The following CCDC158 variants were observed in gnomAD, a reference collection of about 807,000 sequenced individuals.
CCDC158 encodes coiled-coil domain containing 158, also known as coiled-coil domain-containing protein 158.
A neutral mutation model predicts 138.6 loss-of-function variants in CCDC158; 116 were observed. The ratio of observed to expected loss-of-function variants is 0.84; its 90% CI spans 0.72 to 0.98. The LOEUF (loss-of-function observed/expected upper bound fraction) is 0.98. CCDC158 is among the 50% of genes least tolerant of loss of function. The probability of loss-of-function intolerance (pLI) is 0.00; values close to 1 mark genes in which losing one functional copy is unlikely to be tolerated. For synonymous variants in CCDC158, 436 were observed against 442.4 expected, an observed-to-expected ratio of 0.99 and a Z score of 0.18; for missense variants, 1,265 against 1,306.1, an observed-to-expected ratio of 0.97 and a Z score of 0.48.
chr4:76,390,057 A>C (rs1351997477), intron 4 of CCDC158, among the ~76,000 whole-genome samples: 1 of 152,212 alleles, frequency 6.6e-6, no homozygotes, highest in African/African-American at 2.4e-5. Context: ...GTAAGCACAC[A>C]GAACAATATA....
chr4:76,332,333 G>A, intron 20 of CCDC158, 99 bp downstream of exon 20: 6 of 933,820 alleles, frequency 6.4e-6, no homozygotes, highest in Non-Finnish European at 8.4e-6. Flanking sequence ...CCCATTAAGT[G>A]TCATGTAAAC....
At chr4:76,396,534 G>T (rs996295237) in intron 3 of CCDC158, 48 bp from the exon 4 acceptor site, 3 of 1,419,688 alleles carry the variant, frequency 2.1e-6, no homozygotes, top group East Asian at 2.3e-5. Flanking sequence ...TTTTTGAGAA[G>T]GAGTTTCACT....
At chr4:76,365,914 T>A (rs1462908404) in intron 12 of CCDC158, among the ~76,000 whole-genome samples, 1 of 152,194 alleles carries the variant, frequency 6.6e-6, no homozygotes, top group Non-Finnish European at 1.5e-5. Flanking sequence ...TTAGGCTGCC[T>A]AGGTTCAAAC....
chr4:76,326,423 T>C (rs1406771742), intron 22 of CCDC158, among the ~76,000 whole-genome samples: 4 of 152,158 alleles, frequency 2.6e-5, no homozygotes, highest in East Asian at 1.9e-4. Context: ...CAAGATGATA[T>C]GGCAGAAAAT....
chr4:76,338,436 T>C (rs1721746513), intron 18 of CCDC158, among the ~76,000 whole-genome samples: 1 of 152,190 alleles, frequency 6.6e-6, no homozygotes, highest in Admixed American at 6.5e-5. Context: ...CGCTTGAACC[T>C]GGGAGGCAGA....
intron 22 of CCDC158, 36 bp downstream of exon 22, chr4:76,328,864 G>T (rs759307033): frequency 1.3e-6 from 2 of 1,557,618 alleles, no homozygotes; most frequent in Admixed American, 3.3e-5. Flanking sequence ...GGGAGACATT[G>T]TAGGGCCTAT....
At chr4:76,329,716 A>T (rs1010542438) in intron 21 of CCDC158, among the ~76,000 whole-genome samples, 4 of 152,376 alleles carry the variant, frequency 2.6e-5, no homozygotes, top group African/African-American at 2.4e-5. Context: ...TGAGAATATT[A>T]TGGCAGCAGT....
intron 24 of CCDC158, among the ~76,000 whole-genome samples, chr4:76,314,740 G>A (rs577291512): frequency 2.3e-4 from 35 of 152,308 alleles, no homozygotes; most frequent in African/African-American, 7.7e-4. Context: ...TCCAGCTCGA[G>A]CCCAGGGAAG....
chr4:76,414,245 GTCGTA>G (rs2109919465), intron 1 of CCDC158: 1 of 152,276 alleles, frequency 6.6e-6, no homozygotes, highest in South Asian at 2.1e-4. Context: ...TATGTTTACA[GTCGTA>G]TTAAATTCAC....
intron 24 of CCDC158, among the ~76,000 whole-genome samples, chr4:76,315,017 C>T (rs995388080): frequency 6.6e-6 from 1 of 152,130 alleles, no homozygotes; most frequent in Non-Finnish European, 1.5e-5. Flanking sequence ...ATAGCACGGG[C>T]AAGGTCTGAT....
At chr4:76,329,335 C>T (rs1419770297) in intron 21 of CCDC158, among the ~76,000 whole-genome samples, 2 of 152,090 alleles carry the variant, frequency 1.3e-5, no homozygotes, top group Non-Finnish European at 2.9e-5. Flanking sequence ...CCTGTAATCC[C>T]AGCACTTTCG....
chr4:76,337,273 A>G (rs554686634), intron 18 of CCDC158, among the ~76,000 whole-genome samples: 9 of 152,244 alleles, frequency 5.9e-5, no homozygotes, highest in Admixed American at 2.0e-4. Context: ...GTGAACCACC[A>G]TGCCTGGCCG....
intron 18 of CCDC158, among the ~76,000 whole-genome samples, chr4:76,348,746 T>C (rs990419193): frequency 2.6e-5 from 4 of 152,044 alleles, no homozygotes; most frequent in African/African-American, 9.7e-5. Context: ...GAAGGGAGAA[T>C]TAATTATCTG....
At chr4:76,384,741 T>G in intron 4 of CCDC158, 76 bp from the exon 5 acceptor site, 1 of 946,314 alleles carries the variant, frequency 1.1e-6, no homozygotes, top group Non-Finnish European at 1.7e-6. Flanking sequence ...TCCAAAGATC[T>G]ATATATATTT....
At chr4:76,410,921 A>G (rs1159631375) in intron 2 of CCDC158, among the ~76,000 whole-genome samples, 1 of 152,212 alleles carries the variant, frequency 6.6e-6, no homozygotes, top group Non-Finnish European at 1.5e-5. Context: ...TAACCTCTCT[A>G]TGACTATACG....
upstream of CCDC158, among the ~76,000 whole-genome samples, chr4:76,421,222 C>T (rs1170752535): frequency 6.6e-6 from 1 of 152,136 alleles, no homozygotes; most frequent in East Asian, 2.0e-4. Context: ...ACGGTTAGGA[C>T]GCTCTGCGAG....
At chr4:76,342,293 G>T (rs893148798) in intron 18 of CCDC158, among the ~76,000 whole-genome samples, 8 of 152,142 alleles carry the variant, frequency 5.3e-5, no homozygotes, top group Admixed American at 5.2e-4. Context: ...TCCAGCCTCA[G>T]TCCCTACAAA....
chr4:76,331,263 A>G (rs1578881265), intron 21 of CCDC158, 81 bp downstream of exon 21: 3 of 1,251,594 alleles, frequency 2.4e-6, no homozygotes, highest in African/African-American at 2.9e-5. Context: ...ATGGCACATT[A>G]CAGACAGTTA....
chr4:76,379,367 G>A lies in CCDC158; in HGVS notation c.952C>T (p.Gln318Ter). The A allele has an allele frequency of 6.2e-7, 1 of 1,609,266 alleles. No homozygotes were observed. The highest frequency in any genetic ancestry group is 8.5e-7 in the Non-Finnish European group (1 of 1,178,468). Residue 318 changes from glutamine (Q) to a stop codon, truncating the protein, a stop_gained, in exon 9 of 25, where the codon CAG (glutamine) becomes TAG (stop). Transcript: ENST00000682701. LOFTEE classifies it high-confidence loss of function. Reference sequence around the variant, plus strand: ...ACAGTAGATTCCAGATCGCTGAGCTGACGCATATACATAGAGTTTTGGTTT... The same window carrying A: ...ACAGTAGATTCCAGATCGCTGAGCTAACGCATATACATAGAGTTTTGGTTT... Reference protein sequence around the residue: ...ARNQNSMYMRQLSDLESTVSQ... With the variant: ...ARNQNSMYMR
Sources: gnomAD v4.1 joint callset for allele counts (sites outside exome capture counted in the v4.1 genomes callset) on GRCh38, gnomAD v4.1.1 for gene constraint, MANE v1.5 for transcripts, NCBI Gene and HGNC (gene_info 2026-07-23, HGNC 2026-07-21) for gene names.